Variants in DYNC2I1 observed in about 807,000 individuals in gnomAD.
DYNC2I1 encodes cytoplasmic dynein 2 intermediate chain 1.
A neutral mutation model predicts 133.4 loss-of-function variants in DYNC2I1; 89 were observed. That is an observed-to-expected ratio of 0.67 (90% CI 0.56 to 0.80). The LOEUF is 0.80. Among genes scored for constraint, DYNC2I1 ranks in the 30% least tolerant of loss-of-function variants. DYNC2I1 has a pLI of 0.00. For synonymous variants in DYNC2I1, 504 were observed against 484.3 expected, an observed-to-expected ratio of 1.04 and a Z score of -0.54; for missense variants, 1,291 against 1,314.5, an observed-to-expected ratio of 0.98 and a Z score of 0.28.
the DYNC2I1 span, among the ~76,000 whole-genome samples, chr7:158,848,684 GGAGGCC>G: frequency 6.6e-6 from 1 of 152,056 alleles, no homozygotes; most frequent in Non-Finnish European, 1.5e-5. Context: ...CAGCACTTTG[GGAGGCC>G]GAGGCGGGCG....
At chr7:158,899,143 T>C (rs982192103) in intron 8 of DYNC2I1, among the ~76,000 whole-genome samples, 21 of 152,240 alleles carry the variant, frequency 1.4e-4, no homozygotes, top group Non-Finnish European at 2.8e-4. Context: ...CCATGTATTT[T>C]AAGTCATCTC....
At chr7:158,949,330 G>A (rs945497805), downstream of DYNC2I1, among the ~76,000 whole-genome samples, 1 of 152,278 alleles carries the variant, frequency 6.6e-6, no homozygotes, top group African/African-American at 2.4e-5. Flanking sequence ...GAGAGACAGT[G>A]AAGCCTGGGA....
At chr7:158,900,785 TG>T (rs1179617944) in intron 8 of DYNC2I1, among the ~76,000 whole-genome samples, 11 of 151,956 alleles carry the variant, frequency 7.2e-5, no homozygotes, top group African/African-American at 2.7e-4. Context: ...TTTTCAGTTT[TG>T]GGGGTTTCTA....
intron 11 of DYNC2I1, among the ~76,000 whole-genome samples, chr7:158,909,719 C>T (rs1318394647): frequency 1.3e-5 from 2 of 152,168 alleles, no homozygotes; most frequent in Admixed American, 6.5e-5. Flanking sequence ...AACATGGAGG[C>T]GATCCCTGTT....
At chr7:158,936,427 A>G (rs1319048185) in intron 23 of DYNC2I1, among the ~76,000 whole-genome samples, 2 of 152,128 alleles carry the variant, frequency 1.3e-5, no homozygotes, top group Non-Finnish European at 2.9e-5. Flanking sequence ...CATATCCACA[A>G]TGTCCCTTCC....
intron 5 of DYNC2I1, among the ~76,000 whole-genome samples, chr7:158,881,884 CTT>C (rs1337764328): frequency 1.3e-5 from 2 of 152,216 alleles, no homozygotes; most frequent in African/African-American, 4.8e-5. Flanking sequence ...GTACCCATAA[CTT>C]AGACTCCGCT....
the DYNC2I1 span, among the ~76,000 whole-genome samples, chr7:158,846,557 ATAAAT>A: frequency 4.8e-3 from 728 of 152,324 alleles, 41 homozygotes; most frequent in East Asian, 0.12. Context: ...GTAATTAAAA[ATAAAT>A]TATAATAGTC....
At chr7:158,919,563 C>T (rs1013473007) in intron 15 of DYNC2I1, among the ~76,000 whole-genome samples, 10 of 152,172 alleles carry the variant, frequency 6.6e-5, no homozygotes, top group African/African-American at 2.4e-4. Flanking sequence ...GTGTGGCCGT[C>T]TGCTTGGTAG....
At chr7:158,842,340 T>C in the DYNC2I1 span, among the ~76,000 whole-genome samples, 3 of 152,176 alleles carry the variant, frequency 2.0e-5, no homozygotes, top group Non-Finnish European at 4.4e-5. Flanking sequence ...GCTGGCAGTT[T>C]TATTCCTCAC....
In DYNC2I1 at chr7:158,893,853, A is replaced by G. The variant is rs1203656182; in HGVS notation, c.1059+2520A>G. Among the ~76,000 whole-genome samples the G allele has an allele frequency of 2.0e-5, 3 of 152,068 alleles. No individual in the cohort carries two copies. The East Asian group carries it at 5.8e-4, about 29-fold the overall frequency. ...TACCGTATGTCATAGTGCATATCCTACCACATATTGTACCACATATCATAT... is the reference window on the plus strand; with the variant it reads ...TACCGTATGTCATAGTGCATATCCTGCCACATATTGTACCACATATCATAT... On this transcript the variant is annotated intron_variant, in intron 8 of 24. Transcript: ENST00000407559.
chr7:158,915,575 C>G (rs796638368), intron 14 of DYNC2I1, among the ~76,000 whole-genome samples: 8,990 of 82,820 alleles, frequency 0.11, no homozygotes, highest in Non-Finnish European at 0.14. Context: ...TGTGAAACCT[C>G]GACACGCTGG....
intron 15 of DYNC2I1, among the ~76,000 whole-genome samples, chr7:158,919,561 G>A (rs10274634): frequency 0.17 from 26,356 of 152,048 alleles, 2,524 homozygotes; most frequent in African/African-American, 0.24. Context: ...CCGTGTGGCC[G>A]TCTGCTTGGT....
intron 8 of DYNC2I1, among the ~76,000 whole-genome samples, chr7:158,901,077 CTG>C (rs1266833860): frequency 6.6e-6 from 1 of 152,076 alleles, no homozygotes; most frequent in Non-Finnish European, 1.5e-5. Flanking sequence ...TCTCTTCAAA[CTG>C]TATTTTCTGC....
chr7:158,890,269 A>T (rs1416719532), intron 7 of DYNC2I1, among the ~76,000 whole-genome samples: 10 of 152,240 alleles, frequency 6.6e-5, no homozygotes. Context: ...TGTAATCAGT[A>T]TAAAAATTAT....
At chr7:158,903,493 T>C (rs1246804847) in intron 10 of DYNC2I1, 3 of 152,240 alleles carry the variant, frequency 2.0e-5, no homozygotes, top group Non-Finnish European at 2.9e-5. Flanking sequence ...CTAATACAAA[T>C]GAAGGTTTTG....
chr7:158,958,694 T>G (rs894678398), downstream of DYNC2I1, among the ~76,000 whole-genome samples: 9 of 152,238 alleles, frequency 5.9e-5, no homozygotes, highest in Non-Finnish European at 1.0e-4. Context: ...AAACTCCTCC[T>G]ATAACACTTG....
At chr7:158,892,028 T>G (rs981424811) in intron 8 of DYNC2I1, among the ~76,000 whole-genome samples, 15 of 152,150 alleles carry the variant, frequency 9.9e-5, no homozygotes, top group Admixed American at 9.8e-4. Flanking sequence ...TGATGGGGGT[T>G]TCTTGTTCCT....
chr7:158,954,552 G>T (rs1852150306), intron 4 of DYNC2I1, among the ~76,000 whole-genome samples: 1 of 152,200 alleles, frequency 6.6e-6, no homozygotes, highest in South Asian at 2.1e-4. Flanking sequence ...GGAGGCTGAG[G>T]TGGGAGAATT....
chr7:158,865,644 C>T (rs796359378), intron 1 of DYNC2I1, among the ~76,000 whole-genome samples: 8 of 152,312 alleles, frequency 5.3e-5, no homozygotes, highest in African/African-American at 1.9e-4. Context: ...AGTCTCCTCA[C>T]CCCAGTCCCC....
Sources: gnomAD v4.1 joint callset for allele counts (sites outside exome capture counted in the v4.1 genomes callset) on GRCh38, gnomAD v4.1.1 for gene constraint, MANE v1.5 for transcripts, NCBI Gene and HGNC (gene_info 2026-07-23, HGNC 2026-07-21) for gene names.